Variants in MAP3K2 observed in about 807,000 individuals in gnomAD.
MAP3K2 encodes the protein mitogen-activated protein kinase kinase kinase 2, also known as MAP/ERK kinase kinase 2.
Under a neutral mutation model 80.3 loss-of-function variants are expected in MAP3K2, and 24 were observed. The observed-to-expected ratio is 0.30, with a 90% CI of 0.22 to 0.42. MAP3K2 has a LOEUF of 0.42. Ranked by LOEUF, MAP3K2 falls within the 10% of genes least tolerant of loss-of-function variation. MAP3K2 has a pLI of 1.00. For missense variants in MAP3K2, 608 were observed against 750.1 expected (o/e 0.81, Z 2.21); for synonymous variants, 244 against 253.7 (o/e 0.96, Z 0.36).
chr2:127,388,411 G>A (rs1687426125), upstream of MAP3K2: 1 of 985,314 alleles, frequency 1.0e-6, no homozygotes, highest in African/African-American at 1.7e-5. Context: ...AAAGCCGTCT[G>A]CCTCTTAATT....
At chr2:127,318,583 T>C (rs577999718) in intron 12 of MAP3K2, among the ~76,000 whole-genome samples, 14 of 152,212 alleles carry the variant, frequency 9.2e-5, no homozygotes, top group Non-Finnish European at 2.1e-4. Flanking sequence ...TGTGACAGCA[T>C]CTTTCTTTCA....
chr2:127,333,678 A>C (rs1264166659), intron 5 of MAP3K2, among the ~76,000 whole-genome samples: 1 of 152,212 alleles, frequency 6.6e-6, no homozygotes, highest in Non-Finnish European at 1.5e-5. Flanking sequence ...CCCCTACCAC[A>C]TTCCTGCCAA....
At chr2:127,334,321 T>A (rs968320164) in intron 5 of MAP3K2, among the ~76,000 whole-genome samples, 4 of 152,206 alleles carry the variant, frequency 2.6e-5, no homozygotes, top group African/African-American at 7.2e-5. Flanking sequence ...TCTTAATGTA[T>A]CTTGGCATTT....
chr2:127,353,589 T>C (rs1386013395), intron 1 of MAP3K2, among the ~76,000 whole-genome samples: 1 of 148,036 alleles, frequency 6.8e-6, no homozygotes, highest in African/African-American at 2.5e-5. Context: ...GCCCCCCGCC[T>C]GGCCAGCCGC....
In MAP3K2 at chr2:127,381,022, A is replaced by C. The variant is rs550302623; in HGVS notation, c.-66+6430T>G. On this transcript the variant is annotated intron_variant, in intron 1 of 16. Transcript: ENST00000682094. Reference sequence around the variant, plus strand: ...ATAAGAACATGCAGTAAAGTTTAAAAATTTATCCTTCTTTTTTTCCTGATT... The same window carrying C: ...ATAAGAACATGCAGTAAAGTTTAAACATTTATCCTTCTTTTTTTCCTGATT... Among the ~76,000 whole-genome samples, 3 of 152,302 alleles carry C rather than the reference A, an allele frequency of 2.0e-5. No homozygotes were observed. The East Asian group carries it at 5.8e-4, about 29-fold the overall frequency.
chr2:127,360,384 A>G (rs78023484), intron 1 of MAP3K2, among the ~76,000 whole-genome samples: 1 of 151,662 alleles, frequency 6.6e-6, no homozygotes, highest in Non-Finnish European at 1.5e-5. Flanking sequence ...AAAAAAAAAA[A>G]GCAGATCATT....
chr2:127,335,113 CATTT>C (rs1686339917), intron 5 of MAP3K2, among the ~76,000 whole-genome samples: 1 of 152,120 alleles, frequency 6.6e-6, no homozygotes, highest in Non-Finnish European at 1.5e-5. Context: ...TCAAACAACT[CATTT>C]ATTAATGGTT....
chr2:127,356,097 G>A (rs1448341817), intron 1 of MAP3K2, among the ~76,000 whole-genome samples: 2 of 152,046 alleles, frequency 1.3e-5, no homozygotes, highest in Non-Finnish European at 2.9e-5. Flanking sequence ...CATCAAATCT[G>A]TAGCTACTTC....
At position 127,346,577 on chromosome 2, in the gene MAP3K2, C is replaced by T. The variant is rs534946687; in HGVS notation, c.-65-3383G>A. On this transcript the variant is annotated intron_variant, in intron 1 of 16. Transcript: ENST00000682094. The stretch of plus-strand genomic sequence containing the variant: ...CTCAATAAAATACTAGCAAACCTAA[C>T]CTAGAACATTAAAAAACAAATTATA... Among the ~76,000 whole-genome samples, 178 of 151,994 alleles carry T rather than the reference C, an allele frequency of 1.2e-3. 1 individual carries two copies. The highest frequency in any genetic ancestry group is 2.2e-3 in the Non-Finnish European group (150 of 68,008).
chr2:127,384,236 T>TATATATATA (rs1558993425), intron 1 of MAP3K2, among the ~76,000 whole-genome samples: 23 of 134,274 alleles, frequency 1.7e-4, no homozygotes, highest in African/African-American at 6.5e-4. Context: ...ATATATATAT[T>TATATATATA]GCTTTTTTAG....
chr2:127,325,192 T>C (rs1462171870), intron 9 of MAP3K2, among the ~76,000 whole-genome samples: 1 of 152,198 alleles, frequency 6.6e-6, no homozygotes, highest in Non-Finnish European at 1.5e-5. Context: ...CAAACTATTA[T>C]AATCAGATTT....
intron 1 of MAP3K2, among the ~76,000 whole-genome samples, chr2:127,345,132 A>G (rs891058247): frequency 1.3e-5 from 2 of 152,192 alleles, no homozygotes; most frequent in Non-Finnish European, 2.9e-5. Flanking sequence ...GGGACTACGA[A>G]CCACAACACC....
chr2:127,358,917 TAAA>T (rs564351324), intron 1 of MAP3K2, among the ~76,000 whole-genome samples: 1 of 133,282 alleles, frequency 7.5e-6, no homozygotes, highest in Non-Finnish European at 1.7e-5. Context: ...TCCAAAACAA[TAAA>T]AAAAAAAAAA....
rs1237416528 is a variant in MAP3K2, at chr2:127,387,872, G to A, written c.-486C>T. ...GGTCGTTGTTTTCGTCGCCGCCGCG[G>A]GCCGTGCAACCCCCGAACGCTGCGC... On this transcript the variant is annotated 5_prime_UTR_variant, in exon 1 of 17. Coordinates refer to ENST00000682094, the MANE Select transcript of MAP3K2 (RefSeq NM_001371910.2). The A allele has an allele frequency of 1.0e-6, 1 of 982,120 alleles. No individual in the cohort carries two copies. Among genetic ancestry groups the A allele is most frequent in the Non-Finnish European group, 1.2e-6 (1 of 827,196 alleles). The allele number at this position is 982,120 out of a possible 1,614,324, so 60.8% of individuals were successfully genotyped here.
rs1685621009 is a variant in MAP3K2, at chr2:127,302,667, C to G, written c.*4912G>C. ...TTTAGGGCAAAAACAAGTATTGTAACTCTACCATGAAAATCATAACTGAAC... is the reference window on the plus strand; with the variant it reads ...TTTAGGGCAAAAACAAGTATTGTAAGTCTACCATGAAAATCATAACTGAAC... On this transcript the variant is annotated 3_prime_UTR_variant, in exon 17 of 17. Transcript: ENST00000682094. 6.6e-6 allele frequency: 1 copy of G among 152,164 alleles called. No homozygotes were observed. The highest frequency in any genetic ancestry group is 2.1e-4 in the South Asian group (1 of 4,822). The allele number at this position is 152,164 out of a possible 1,614,324, so 9.4% of individuals were successfully genotyped here.
At chr2:127,329,139 TATC>T (rs1686200412) in intron 7 of MAP3K2, among the ~76,000 whole-genome samples, 1 of 152,180 alleles carries the variant, frequency 6.6e-6, no homozygotes, top group Admixed American at 6.5e-5. Context: ...TATTTCTTTA[TATC>T]ATAATCTTAA....
At chr2:127,385,758 T>C (rs547123707) in intron 1 of MAP3K2, among the ~76,000 whole-genome samples, 1 of 141,872 alleles carries the variant, frequency 7.0e-6, no homozygotes, top group Non-Finnish European at 1.6e-5. Context: ...ACCAACGCTG[T>C]AGGAAATGCA....
intron 2 of MAP3K2, among the ~76,000 whole-genome samples, chr2:127,340,136 C>T (rs1020581739): frequency 6.6e-6 from 1 of 151,978 alleles, no homozygotes; most frequent in African/African-American, 2.4e-5. Context: ...GTAATGGTTG[C>T]CATGGTTTTA....
rs1686940631 is a variant in MAP3K2, at chr2:127,364,588, A to G, written c.-65-21394T>C. On this transcript the variant is annotated intron_variant, in intron 1 of 16. Transcript: ENST00000682094. The surrounding 1 kb of genome is among the most constrained non-coding windows in gnomAD (Gnocchi z 4.1). ...CTACACTGGAATGACAGCACTTGCCATCTCTCCACTCATCACACAGTCACC... is the reference window on the plus strand; with the variant it reads ...CTACACTGGAATGACAGCACTTGCCGTCTCTCCACTCATCACACAGTCACC... 6.6e-6 allele frequency among the ~76,000 whole-genome samples: 1 copy of G among 152,090 alleles called. No homozygotes were observed. The highest frequency in any genetic ancestry group is 6.6e-5 in the Admixed American group (1 of 15,266).
Sources: gnomAD v4.1 joint callset for allele counts (sites outside exome capture counted in the v4.1 genomes callset) on GRCh38, gnomAD v4.1.1 for gene constraint, Gnocchi (gnomAD v3.1) non-coding constraint, MANE v1.5 for transcripts, NCBI Gene and HGNC (gene_info 2026-07-23, HGNC 2026-07-21) for gene names.